SRPK1: variants seen among roughly 807,000 people sequenced by gnomAD.
The protein encoded by SRPK1 is SFRS protein kinase 1.
Under a neutral mutation model 89.5 loss-of-function variants are expected in SRPK1, and 52 were observed. That is an observed-to-expected ratio of 0.58 (90% confidence interval 0.46 to 0.73). The LOEUF is 0.73. SRPK1 is among the 30% of genes least tolerant of loss of function. SRPK1 has a pLI of 0.00. For synonymous variants in SRPK1, 255 were observed against 270.2 expected (o/e 0.94, Z 0.55); for missense variants, 603 against 780.6 (o/e 0.77, Z 2.71).
chr6:35,915,832 C>T (rs1203507703), intron 2 of SRPK1, among the ~76,000 whole-genome samples: 2 of 151,496 alleles, frequency 1.3e-5, no homozygotes, highest in Non-Finnish European at 1.5e-5. Flanking sequence ...ATTAGTGGGG[C>T]GTGGTGGCAC....
At chr6:35,858,310 C>T (rs1300278121) in intron 12 of SRPK1, among the ~76,000 whole-genome samples, 2 of 151,830 alleles carry the variant, frequency 1.3e-5, no homozygotes, top group African/African-American at 4.8e-5. Flanking sequence ...TCTGAAAGAT[C>T]ATTCTTTTTA....
At chr6:35,915,204 C>T (rs1771061124) in intron 2 of SRPK1, among the ~76,000 whole-genome samples, 1 of 151,954 alleles carries the variant, frequency 6.6e-6, no homozygotes. Flanking sequence ...GAGATCGAGA[C>T]CATCTCGGCT....
chr6:35,836,781 T>TAAC (rs1257388076), intron 15 of SRPK1, among the ~76,000 whole-genome samples: 2 of 150,120 alleles, frequency 1.3e-5, no homozygotes, highest in Admixed American at 6.7e-5. Flanking sequence ...ATAATAATAA[T>TAAC]AATAATTTTT....
At chr6:35,855,242 C>T (rs1201723880) in intron 13 of SRPK1, among the ~76,000 whole-genome samples, 2 of 151,940 alleles carry the variant, frequency 1.3e-5, no homozygotes, top group Non-Finnish European at 2.9e-5. Context: ...GCGGAGCTTG[C>T]AGTGAGCCAA....
intron 2 of SRPK1, among the ~76,000 whole-genome samples, chr6:35,902,960 T>G (rs1018892643): frequency 6.6e-6 from 1 of 152,112 alleles, no homozygotes; most frequent in African/African-American, 2.4e-5. Context: ...AAAATGTTCA[T>G]AAGCTGAAGA....
intron 14 of SRPK1, 50 bp downstream of exon 14, chr6:35,842,485 G>T: frequency 6.9e-7 from 1 of 1,442,770 alleles, no homozygotes; most frequent in Non-Finnish European, 9.5e-7. Context: ...TTAGCTTAAT[G>T]TGGAAAGTGT....
At chr6:35,910,132 C>T (rs1321703851) in intron 2 of SRPK1, among the ~76,000 whole-genome samples, 6 of 151,972 alleles carry the variant, frequency 3.9e-5, no homozygotes, top group South Asian at 2.1e-4. Flanking sequence ...TACAGGCATG[C>T]GCCACCGCAC....
In SRPK1 at chr6:35,862,522, T is replaced by C. The variant is rs554509197; in HGVS notation, c.1513-5154A>G. Among the ~76,000 whole-genome samples, 13 of 152,106 alleles carry C rather than the reference T, an allele frequency of 8.5e-5. 1 individual carries two copies. In the East Asian group the frequency reaches 2.3e-3, roughly 27 times the overall value. ...TATATACAACTTCAGAAAAATATTC[T>C]CCCCTACAAAAGCAATTTCAAAAAA... On this transcript the variant is annotated intron_variant, in intron 12 of 15. Coordinates refer to ENST00000373825, the MANE Select transcript of SRPK1 (RefSeq NM_003137.5).
At position 35,857,291 on chromosome 6, in the gene SRPK1, G is replaced by A; in HGVS notation, c.1590C>T (p.Thr530=). 6.2e-7 allele frequency: 1 copy of A among 1,613,068 alleles called. No individual in the cohort carries two copies. The highest frequency in any genetic ancestry group is 8.5e-7 in the Non-Finnish European group (1 of 1,179,542). The change falls in exon 13 of 16, where the codon ACC becomes ACT. Residue 530 remains threonine, a synonymous_variant. Transcript: ENST00000373825. The part of the protein sequence containing the change: ...LEVLIGSGYN[T]PADIWSTACM... ...ATGCCGTGCTCCAAATGTCAGCAGG[G>A]GTATTATAGCCAGATCCGATTAGAA...
At chr6:35,844,048 A>G (rs974817708) in intron 13 of SRPK1, among the ~76,000 whole-genome samples, 30 of 132,466 alleles carry the variant, frequency 2.3e-4, no homozygotes, top group African/African-American at 8.2e-4. Flanking sequence ...TCTGTCGCCC[A>G]GGCTGGAGTG....
At position 35,833,751 on chromosome 6, in the gene SRPK1, T is replaced by G. The variant is rs576472744; in HGVS notation, c.*1553A>C. 2 of 152,612 alleles carry G rather than the reference T, an allele frequency of 1.3e-5. No individual in the cohort carries two copies. Among genetic ancestry groups the G allele is most frequent in the Non-Finnish European group, 2.9e-5 (2 of 68,038 alleles). The allele number at this position is 152,612 out of a possible 1,614,324, so 9.5% of individuals were successfully genotyped here. A position where few individuals can be genotyped will look rare whatever the true frequency, so the allele number is the denominator to read the frequency against. The stretch of plus-strand genomic sequence containing the variant: ...TCACTGTGGTGGATAAATGACAAAG[T>G]AGATTCCAATCTCCTGTATAGAAAG... On this transcript the variant is annotated 3_prime_UTR_variant, in exon 16 of 16. Transcript: ENST00000373825.
At chr6:35,843,402 T>C (rs1769359817) in intron 13 of SRPK1, among the ~76,000 whole-genome samples, 1 of 152,186 alleles carries the variant, frequency 6.6e-6, no homozygotes, top group South Asian at 2.1e-4. Context: ...TCATTAACTT[T>C]TGCATAGGAA....
chr6:35,917,307 A>C (rs1409391980), intron 2 of SRPK1, among the ~76,000 whole-genome samples: 2 of 152,140 alleles, frequency 1.3e-5, no homozygotes, highest in African/African-American at 2.4e-5. Context: ...ACCTGTTGTA[A>C]GACACACCAA....
At chr6:35,902,436 A>T (rs1265538482) in intron 2 of SRPK1, among the ~76,000 whole-genome samples, 1 of 151,948 alleles carries the variant, frequency 6.6e-6, no homozygotes, top group Non-Finnish European at 1.5e-5. Context: ...AAATAATAAT[A>T]AAATAAAAAT....
chr6:35,888,647 C>T (rs924235719), intron 4 of SRPK1, among the ~76,000 whole-genome samples, 168 bp downstream of exon 4: 9 of 152,244 alleles, frequency 5.9e-5, no homozygotes, highest in African/African-American at 7.2e-5. Context: ...TGATTCTTCA[C>T]GAAAGAAAAG....
intron 12 of SRPK1, among the ~76,000 whole-genome samples, chr6:35,861,803 G>A (rs1233372374): frequency 6.6e-6 from 1 of 152,210 alleles, no homozygotes; most frequent in Non-Finnish European, 1.5e-5. Context: ...ACTGAGACTT[G>A]AGTGTACTGT....
chr6:35,904,228 T>C (rs148561321), intron 2 of SRPK1, among the ~76,000 whole-genome samples: 67 of 152,318 alleles, frequency 4.4e-4, no homozygotes, highest in African/African-American at 1.5e-3. Context: ...TTTCTGAAGT[T>C]ATACCCTGTT....
chr6:35,887,918 A>C, intron 5 of SRPK1, 106 bp downstream of exon 5: 7 of 752,724 alleles, frequency 9.3e-6, no homozygotes, highest in Non-Finnish European at 1.2e-5. Flanking sequence ...AGAACTTTAT[A>C]GAGAAAATTA....
chr6:35,919,432 G>A (rs1341304362), intron 2 of SRPK1, among the ~76,000 whole-genome samples: 1 of 152,128 alleles, frequency 6.6e-6, no homozygotes, highest in African/African-American at 2.4e-5. Context: ...TTTGAAATGT[G>A]TTGTATCAGC....
Sources: gnomAD v4.1 joint callset for allele counts (sites outside exome capture counted in the v4.1 genomes callset) on GRCh38, gnomAD v4.1.1 for gene constraint, MANE v1.5 for transcripts, NCBI Gene and HGNC (gene_info 2026-07-23, HGNC 2026-07-21) for gene names.